ACSS3: variants seen among roughly 807,000 people sequenced by gnomAD.
ACSS3 encodes the protein acyl-CoA synthetase short-chain family member 3, mitochondrial.
In ACSS3, 64 loss-of-function variants were observed where a neutral mutation model predicts 84.2. The ratio of observed to expected loss-of-function variants is 0.76; its 90% CI spans 0.62 to 0.94. The LOEUF is 0.94. Ranked by LOEUF, ACSS3 falls within the 40% of genes least tolerant of loss-of-function variation. ACSS3 has a pLI of 0.00. For missense variants in ACSS3, 815 were observed against 867.6 expected (o/e 0.94, Z 0.76); for synonymous variants, 317 against 310.1 (o/e 1.02, Z -0.23).
At chr12:81,100,952 G>A (rs1156515270) in intron 1 of ACSS3, among the ~76,000 whole-genome samples, 2 of 152,174 alleles carry the variant, frequency 1.3e-5, no homozygotes, top group East Asian at 1.9e-4. Flanking sequence ...TCTTACAAAT[G>A]CCTAGAAGGA....
chr12:81,214,764 C>G (rs1012254235), intron 9 of ACSS3, among the ~76,000 whole-genome samples: 8 of 152,184 alleles, frequency 5.3e-5, no homozygotes, highest in African/African-American at 1.9e-4. Context: ...TAACGTCTTT[C>G]ATGAGAATCC....
intron 4 of ACSS3, among the ~76,000 whole-genome samples, chr12:81,141,904 T>C (rs747355289): frequency 6.6e-6 from 1 of 152,226 alleles, no homozygotes; most frequent in Admixed American, 6.5e-5. Flanking sequence ...AAACTTCAAC[T>C]TGATACAGGG....
At chr12:81,123,410 T>C (rs1884803012) in intron 2 of ACSS3, among the ~76,000 whole-genome samples, 4 of 152,350 alleles carry the variant, frequency 2.6e-5, no homozygotes, top group Admixed American at 1.3e-4. Context: ...CGTATTCTTA[T>C]ACAGTGCAAT....
intron 1 of ACSS3, among the ~76,000 whole-genome samples, chr12:81,107,551 T>G (rs866745315): frequency 8.2e-6 from 1 of 121,350 alleles, no homozygotes; most frequent in African/African-American, 3.1e-5. Context: ...TATATATATA[T>G]ATATATATAA....
rs558439634 is a variant in ACSS3, at chr12:81,118,409, T to G, written c.456+8705T>G. Among the ~76,000 whole-genome samples, 22 of 152,308 alleles carry G rather than the reference T, an allele frequency of 1.4e-4. 1 individual carries two copies. The South Asian group carries it at 4.3e-3, about 30-fold the overall frequency. ...GTGGCAAAGATATGTATGTCCCAAC[T>G]CTTGGGAAGGTGGAGGAGGATATAG... is the stretch of plus-strand genomic sequence containing the variant. On this transcript the variant is annotated intron_variant, in intron 2 of 15. Coordinates refer to ENST00000548058, the MANE Select transcript of ACSS3 (RefSeq NM_024560.4).
intron 2 of ACSS3, among the ~76,000 whole-genome samples, chr12:81,114,140 G>C (rs1419581276): frequency 6.6e-6 from 1 of 151,870 alleles, no homozygotes; most frequent in Non-Finnish European, 1.5e-5. Context: ...CCCCTGAAGG[G>C]CATTTGAGCA....
At chr12:81,137,363 A>ACACACC (rs990972624) in intron 3 of ACSS3, among the ~76,000 whole-genome samples, 126 of 142,834 alleles carry the variant, frequency 8.8e-4, no homozygotes, top group African/African-American at 3.1e-3. Context: ...ACACACACAC[A>ACACACC]CCCCTAATAC....
chr12:81,258,997 T>C lies in ACSS3; in HGVS notation c.*4075T>C, dbSNP rs1195093621. ...TGAAAAGGAGATCAAGCCATCACAG[T>C]GCTATTTCTAAAGATATAGGACATC... On this transcript the variant is annotated 3_prime_UTR_variant, in exon 16 of 16. Coordinates refer to ENST00000548058, the MANE Select transcript of ACSS3 (RefSeq NM_024560.4). The C allele has an allele frequency of 6.5e-6, 1 of 153,144 alleles. No homozygotes were observed. The highest frequency in any genetic ancestry group is 1.5e-5 in the Non-Finnish European group (1 of 68,814). The allele number at this position is 153,144 out of a possible 1,614,324, so 9.5% of individuals were successfully genotyped here.
At chr12:81,194,155 A>T (rs574208374) in intron 8 of ACSS3, among the ~76,000 whole-genome samples, 84 of 151,916 alleles carry the variant, frequency 5.5e-4, no homozygotes, top group Non-Finnish European at 9.7e-4. Context: ...ATATAGATTT[A>T]TACTAAGATT....
At position 81,098,129 on chromosome 12, in the gene ACSS3, T is replaced by TGAGAGAGAGA. The variant is rs769661021; in HGVS notation, c.312-11417_312-11408dup. On this transcript the variant is annotated intron_variant, in intron 1 of 15. Coordinates refer to ENST00000548058, the MANE Select transcript of ACSS3 (RefSeq NM_024560.4). The stretch of plus-strand genomic sequence containing the variant: ...TTGGCATATCTAAATGGTCCCAGTA[T>TGAGAGAGAGA]GAGAGAGAGAGAGAGAGAGAGAGTG... Among the ~76,000 whole-genome samples, 143 of 135,146 alleles carry TGAGAGAGAGA rather than the reference T, an allele frequency of 1.1e-3. 1 individual carries two copies. Among genetic ancestry groups the TGAGAGAGAGA allele is most frequent in the African/African-American group, 3.8e-3 (137 of 35,614 alleles). The allele number at this position is 135,146 out of a possible 152,430, so 88.7% of individuals were successfully genotyped here.
chr12:81,209,836 A>G (rs2032517245), intron 9 of ACSS3, among the ~76,000 whole-genome samples: 1 of 152,160 alleles, frequency 6.6e-6, no homozygotes, highest in African/African-American at 2.4e-5. Context: ...TTTTTAGACC[A>G]TATAGGGTAA....
At chr12:81,210,727 G>A (rs2032557664) in intron 9 of ACSS3, among the ~76,000 whole-genome samples, 1 of 152,100 alleles carries the variant, frequency 6.6e-6, no homozygotes, top group Non-Finnish European at 1.5e-5. Flanking sequence ...AAAAAACTCA[G>A]AAACAAGTGA....
chr12:81,095,728 C>T (rs574963866), intron 1 of ACSS3, among the ~76,000 whole-genome samples: 1 of 152,208 alleles, frequency 6.6e-6, no homozygotes, highest in South Asian at 2.1e-4. Context: ...TAGCTTTAAT[C>T]CGAGATGATC....
rs564742632 is a variant in ACSS3 at position 81,131,992 on chromosome 12, G to A, written c.457-2824G>A. 3.2e-4 allele frequency among the ~76,000 whole-genome samples: 49 copies of A among 152,282 alleles called. 1 individual carries two copies. The South Asian group carries it at 9.5e-3, about 30-fold the overall frequency. On this transcript the variant is annotated intron_variant, in intron 2 of 15. Transcript: ENST00000548058. ...GGGATGAAGCCAACTTGATCATGGTGGATTAGCTTTTTGAAGTGCTGCTGG... is the reference window on the plus strand; with the variant it reads ...GGGATGAAGCCAACTTGATCATGGTAGATTAGCTTTTTGAAGTGCTGCTGG...
chr12:81,094,182 C>G (rs11114757), intron 1 of ACSS3, among the ~76,000 whole-genome samples: 19,923 of 124,474 alleles, frequency 0.16, 1,500 homozygotes, highest in African/African-American at 0.2. Flanking sequence ...CTGTCTCTCT[C>G]TCTGTGTGTG....
chr12:81,141,503 T>G (rs933662208), intron 4 of ACSS3, among the ~76,000 whole-genome samples: 9 of 152,202 alleles, frequency 5.9e-5, no homozygotes, highest in Non-Finnish European at 1.0e-4. Context: ...TTAAGAATTA[T>G]AAGAATTAGG....
At chr12:81,202,403 A>G (rs1181181934) in intron 9 of ACSS3, among the ~76,000 whole-genome samples, 2 of 152,338 alleles carry the variant, frequency 1.3e-5, no homozygotes, top group African/African-American at 4.8e-5. Context: ...ATGAGTTATT[A>G]TGAAATATTA....
chr12:81,208,566 C>T (rs1028345969), intron 9 of ACSS3, among the ~76,000 whole-genome samples: 4 of 152,166 alleles, frequency 2.6e-5, no homozygotes, highest in African/African-American at 9.7e-5. Context: ...AGACCATCCA[C>T]ATCTATCTGA....
At chr12:81,165,689 C>A (rs1242900282) in intron 7 of ACSS3, among the ~76,000 whole-genome samples, 1 of 151,668 alleles carries the variant, frequency 6.6e-6, no homozygotes, top group East Asian at 1.9e-4. Context: ...AGAAAGCAAA[C>A]AAATCAAGAC....
Sources: allele counts gnomAD v4.1 joint callset (sites outside exome capture counted in the v4.1 genomes callset), GRCh38; gene constraint gnomAD v4.1.1; transcripts MANE v1.5; gene names NCBI Gene and HGNC (gene_info 2026-07-23, HGNC 2026-07-21).